The following RBFOX2 variants were observed in gnomAD, a reference collection of about 807,000 sequenced individuals.
RBFOX2 encodes the protein RNA binding protein fox-1 homolog 2.
In RBFOX2, 10 loss-of-function variants were observed where a neutral mutation model predicts 49.1. The observed-to-expected ratio is 0.20, with a 90% CI of 0.13 to 0.35. RBFOX2 has a LOEUF of 0.35. RBFOX2 is among the 10% of genes least tolerant of loss of function. The pLI is 1.00. For missense variants in RBFOX2, 323 were observed against 486.9 expected (o/e 0.66, Z 3.17); for synonymous variants, 183 against 187.4 (o/e 0.98, Z 0.19).
intron 1 of RBFOX2, among the ~76,000 whole-genome samples, chr22:35,827,248 T>C (rs545528213): frequency 7.9e-5 from 12 of 152,338 alleles, no homozygotes; most frequent in African/African-American, 2.9e-4. Flanking sequence ...AGTGCCCCTA[T>C]CTTTTACACT....
intron 1 of RBFOX2, among the ~76,000 whole-genome samples, chr22:35,910,085 T>C (rs1347622718): frequency 6.6e-6 from 1 of 152,234 alleles, no homozygotes; most frequent in Non-Finnish European, 1.5e-5. Flanking sequence ...TCTTTAACTT[T>C]TATACTTAAA....
upstream of RBFOX2, among the ~76,000 whole-genome samples, chr22:35,942,373 T>C (rs1015793545): frequency 6.6e-5 from 10 of 152,144 alleles, no homozygotes; most frequent in Admixed American, 1.3e-4. Flanking sequence ...TATCAAAATA[T>C]TGAATGCATA....
At chr22:35,994,234 C>G (rs756427851) in intron 1 of RBFOX2, 1 of 151,502 alleles carries the variant, frequency 6.6e-6, no homozygotes, top group Non-Finnish European at 1.5e-5. Context: ...GAATCCAACA[C>G]AGTTAAAATA....
intron 1 of RBFOX2, among the ~76,000 whole-genome samples, chr22:35,851,989 T>C (rs1016999617): frequency 2.0e-5 from 3 of 152,132 alleles, no homozygotes; most frequent in African/African-American, 7.2e-5. Flanking sequence ...TAATATACAG[T>C]CAGCCCTCCT....
At chr22:35,819,371 G>A (rs1028272867) in intron 1 of RBFOX2, among the ~76,000 whole-genome samples, 25 of 152,262 alleles carry the variant, frequency 1.6e-4, no homozygotes, top group African/African-American at 5.8e-4. Context: ...AAAGAAAAAT[G>A]AGCCATTGCT....
chr22:35,895,245 G>C (rs1311351275), intron 1 of RBFOX2, among the ~76,000 whole-genome samples: 1 of 152,122 alleles, frequency 6.6e-6, no homozygotes, highest in East Asian at 1.9e-4. Flanking sequence ...CAAAAGACAG[G>C]GATGGGTGGG....
At chr22:35,911,052 C>A (rs1463634764) in intron 1 of RBFOX2, among the ~76,000 whole-genome samples, 2 of 152,090 alleles carry the variant, frequency 1.3e-5, no homozygotes, top group Non-Finnish European at 2.9e-5. Flanking sequence ...GGAGATAAAA[C>A]CCTATTTATA....
chr22:35,916,340 G>A (rs2050405604), intron 1 of RBFOX2, among the ~76,000 whole-genome samples: 1 of 152,176 alleles, frequency 6.6e-6, no homozygotes, highest in South Asian at 2.1e-4. Context: ...GGAGTGTAGT[G>A]GCATGATCTT....
chr22:35,867,637 G>C (rs1156562304), intron 1 of RBFOX2, among the ~76,000 whole-genome samples: 1 of 152,128 alleles, frequency 6.6e-6, no homozygotes, highest in African/African-American at 2.4e-5. Flanking sequence ...AGAACTTAAA[G>C]AGATGGGCCC....
At chr22:35,803,012 T>C (rs1057312482) in intron 2 of RBFOX2, among the ~76,000 whole-genome samples, 7 of 152,182 alleles carry the variant, frequency 4.6e-5, no homozygotes, top group Non-Finnish European at 1.0e-4. Context: ...ACCATTAAGC[T>C]AGGAAGACAC....
intron 1 of RBFOX2, among the ~76,000 whole-genome samples, chr22:35,826,533 C>A (rs558342272): frequency 6.6e-6 from 1 of 152,166 alleles, no homozygotes; most frequent in South Asian, 2.1e-4. Flanking sequence ...TCACATTCTT[C>A]TTCCTAAAGA....
At chr22:35,743,189 C>T (rs1039660739) in exon 12 of RBFOX2, 3 of 152,210 alleles carry the variant, frequency 2.0e-5, no homozygotes, top group Non-Finnish European at 2.9e-5. Flanking sequence ...TCTAATATTC[C>T]TTTTCCCTTC....
upstream of RBFOX2, among the ~76,000 whole-genome samples, chr22:35,943,494 C>A (rs5750202): frequency 1.3e-5 from 2 of 151,990 alleles, no homozygotes; most frequent in Non-Finnish European, 2.9e-5. Flanking sequence ...AAAATACCAA[C>A]CGTAAGAATC....
chr22:35,851,021 G>T (rs998365088), intron 1 of RBFOX2, among the ~76,000 whole-genome samples: 1 of 152,168 alleles, frequency 6.6e-6, no homozygotes, highest in African/African-American at 2.4e-5. Flanking sequence ...TAAACCATGA[G>T]GATTAAATGC....
chr22:35,976,791 C>T (rs1011518236), intron 1 of RBFOX2, among the ~76,000 whole-genome samples: 1 of 151,982 alleles, frequency 6.6e-6, no homozygotes, highest in African/African-American at 2.4e-5. Context: ...GGCGAAACCT[C>T]GCCTCTACTA....
intron 1 of RBFOX2, among the ~76,000 whole-genome samples, chr22:36,026,570 A>C (rs1386449502): frequency 6.6e-6 from 1 of 151,778 alleles, no homozygotes; most frequent in Non-Finnish European, 1.5e-5. Flanking sequence ...ACACACACAC[A>C]CACCAAGTAG....
intron 1 of RBFOX2, among the ~76,000 whole-genome samples, chr22:35,825,502 C>T (rs1266914045): frequency 6.6e-6 from 1 of 150,634 alleles, no homozygotes; most frequent in Admixed American, 6.6e-5. Context: ...TACCTGTCAT[C>T]AAAATGGGGG....
chr22:35,973,107 C>G (rs2056968674), intron 1 of RBFOX2, among the ~76,000 whole-genome samples: 1 of 152,102 alleles, frequency 6.6e-6, no homozygotes, highest in South Asian at 2.1e-4. Context: ...CTACAGGCAA[C>G]AGAGAGAGAT....
intron 1 of RBFOX2, among the ~76,000 whole-genome samples, chr22:35,854,006 T>A (rs1478106150): frequency 1.3e-5 from 2 of 152,040 alleles, no homozygotes; most frequent in Non-Finnish European, 2.9e-5. Context: ...AGGTCAGGTG[T>A]TCGAGACCAG....
Sources: gnomAD v4.1 joint callset for allele counts (sites outside exome capture counted in the v4.1 genomes callset) on GRCh38, gnomAD v4.1.1 for gene constraint, MANE v1.5 for transcripts, NCBI Gene and HGNC (gene_info 2026-07-23, HGNC 2026-07-21) for gene names.